CYP39A1: variants seen among roughly 807,000 people sequenced by gnomAD.
The protein encoded by CYP39A1 is cytochrome P450 family 39 subfamily A member 1.
Under a neutral mutation model 58.1 loss-of-function variants are expected in CYP39A1, and 49 were observed. The observed-to-expected ratio is 0.84, with a 90% CI of 0.67 to 1.07. The LOEUF is 1.07. Ranked by LOEUF, CYP39A1 falls within the 50% of genes least tolerant of loss-of-function variation. The pLI, the probability that CYP39A1 is intolerant of heterozygous loss-of-function variation, is 0.00. For synonymous variants in CYP39A1, 209 were observed against 187.6 expected, an observed-to-expected ratio of 1.11 and a Z score of -0.93; for missense variants, 531 against 539.4, an observed-to-expected ratio of 0.98 and a Z score of 0.16.
At position 46,577,605 on chromosome 6, in the gene CYP39A1, T is replaced by TA. The variant is rs768200181; in HGVS notation, c.1250+9471dup. 9.9e-5 allele frequency among the ~76,000 whole-genome samples: 15 copies of TA among 151,004 alleles called. No individual in the cohort carries two copies. The East Asian group carries it at 2.9e-3, about 30-fold the overall frequency. On this transcript the variant is annotated intron_variant, in intron 10 of 11. Coordinates refer to ENST00000275016, the MANE Select transcript of CYP39A1 (RefSeq NM_016593.5). ...AAAGATCTATCAAGCAAACAGAAAA[T>TA]AAAAAAAGAGTAGGGGTTGTTATTC...
intron 7 of CYP39A1, among the ~76,000 whole-genome samples, chr6:46,619,179 C>A (rs891746537): frequency 3.9e-5 from 6 of 152,064 alleles, no homozygotes; most frequent in African/African-American, 1.4e-4. Flanking sequence ...AGAAAACTGT[C>A]AAAAAGTCTT....
chr6:46,616,540 A>T (rs1192536805), intron 7 of CYP39A1, among the ~76,000 whole-genome samples: 1 of 151,690 alleles, frequency 6.6e-6, no homozygotes, highest in Non-Finnish European at 1.5e-5. Flanking sequence ...CCCATTTATC[A>T]CCTTTTAATA....
chr6:46,601,752 C>T lies in CYP39A1; in HGVS notation c.932-5632G>A, dbSNP rs1773521709. Among the ~76,000 whole-genome samples the T allele has an allele frequency of 2.0e-5, 3 of 151,354 alleles. No individual in the cohort carries two copies. In the South Asian group the frequency reaches 6.3e-4, roughly 32 times the overall value. On this transcript the variant is annotated intron_variant, in intron 7 of 11. Coordinates refer to ENST00000275016, the MANE Select transcript of CYP39A1 (RefSeq NM_016593.5). ...GCCAGGCTAGTCTCCAACTCCTGAC[C>T]TCAGGTGATCCGCCCATCTCAGCCT...
At chr6:46,584,835 C>T (rs939925949) in intron 10 of CYP39A1, among the ~76,000 whole-genome samples, 1 of 152,162 alleles carries the variant, frequency 6.6e-6, no homozygotes, top group Non-Finnish European at 1.5e-5. Flanking sequence ...AGCATCTTGA[C>T]CAGACATATC....
At chr6:46,607,117 C>T (rs186904944) in intron 7 of CYP39A1, among the ~76,000 whole-genome samples, 18 of 152,250 alleles carry the variant, frequency 1.2e-4, no homozygotes, top group Admixed American at 7.2e-4. Context: ...CTTGCTACTA[C>T]GCCACATTGC....
At chr6:46,597,282 G>A (rs375942044) in intron 7 of CYP39A1, among the ~76,000 whole-genome samples, 4 of 152,028 alleles carry the variant, frequency 2.6e-5, no homozygotes, top group African/African-American at 4.8e-5. Context: ...TAACTAAGGC[G>A]CAGCTCTTGC....
intron 7 of CYP39A1, among the ~76,000 whole-genome samples, chr6:46,619,502 A>G (rs1339568220): frequency 6.6e-6 from 1 of 152,072 alleles, no homozygotes. Flanking sequence ...GGAAATATAG[A>G]GTAAGACAAG....
At chr6:46,574,150 T>C (rs914457330) in intron 10 of CYP39A1, among the ~76,000 whole-genome samples, 7 of 152,212 alleles carry the variant, frequency 4.6e-5, no homozygotes, top group African/African-American at 1.7e-4. Context: ...GTTATCAGCT[T>C]CAGCATAATA....
At chr6:46,631,168 A>G in intron 5 of CYP39A1, 98 bp from the exon 6 acceptor site, 2 of 962,722 alleles carry the variant, frequency 2.1e-6, no homozygotes, top group Non-Finnish European at 3.2e-6. Flanking sequence ...TATGAAAGAT[A>G]TCATTTCTGC....
intron 6 of CYP39A1, among the ~76,000 whole-genome samples, chr6:46,627,782 AT>A (rs1036884089): frequency 1.1e-4 from 16 of 152,128 alleles, no homozygotes; most frequent in South Asian, 2.1e-4. Context: ...AAGCCAAAGT[AT>A]TTTTAAAAGA....
At chr6:46,644,084 C>G (rs2150602588) in intron 1 of CYP39A1, among the ~76,000 whole-genome samples, 1 of 152,234 alleles carries the variant, frequency 6.6e-6, no homozygotes, top group South Asian at 2.1e-4. Context: ...TTTCCATCAC[C>G]ACAAAGATCT....
At chr6:46,558,981 C>G (rs1582288581) in intron 10 of CYP39A1, among the ~76,000 whole-genome samples, 1 of 117,914 alleles carries the variant, frequency 8.5e-6, no homozygotes, top group Non-Finnish European at 1.6e-5. Context: ...GGTGACAGAG[C>G]AAGACTCCAT....
Position 46,578,239 on chromosome 6 carries a change from T to C in CYP39A1, c.1250+8838A>G, listed in dbSNP as rs928700038. Among the ~76,000 whole-genome samples the C allele has an allele frequency of 2.6e-5, 4 of 151,868 alleles. No individual in the cohort carries two copies. The East Asian group carries it at 5.8e-4, about 22-fold the overall frequency. ...ACTTGGAAATGAATGAAAACAAATA[T>C]ACAATATACCAGAATCTCTGAGACA... On this transcript the variant is annotated intron_variant, in intron 10 of 11. Coordinates refer to ENST00000275016, the MANE Select transcript of CYP39A1 (RefSeq NM_016593.5).
At chr6:46,641,082 G>T (rs1393234920) in intron 2 of CYP39A1, among the ~76,000 whole-genome samples, 3 of 151,638 alleles carry the variant, frequency 2.0e-5, no homozygotes, top group African/African-American at 7.3e-5. Flanking sequence ...GCTGACTCAA[G>T]AATAAATATT....
In CYP39A1 at chr6:46,557,904, CCAGCCTGGG is replaced by C. The variant is rs529224655; in HGVS notation, c.1251-4059_1251-4051del. Among the ~76,000 whole-genome samples, 76 of 140,710 alleles carry C rather than the reference CCAGCCTGGG, an allele frequency of 5.4e-4. No homozygotes were observed. In the Admixed American group the frequency reaches 5.5e-3, roughly 10 times the overall value. The allele number at this position is 140,710 out of a possible 152,430, so 92.3% of individuals were successfully genotyped here. A position where few individuals can be genotyped will look rare whatever the true frequency, so the allele number is the denominator to read the frequency against. ...TGAGCTGAGATCGCACCACTGCATT[CCAGCCTGGG>C]AGACAGCAAGACTCCATCTCAAAAA... On this transcript the variant is annotated intron_variant, in intron 10 of 11. Transcript: ENST00000275016.
chr6:46,585,279 C>T (rs928485746), intron 10 of CYP39A1, among the ~76,000 whole-genome samples: 1 of 151,594 alleles, frequency 6.6e-6, no homozygotes, highest in African/African-American at 2.4e-5. Flanking sequence ...ACTGCTAGCT[C>T]CAGGTCAAGG....
At chr6:46,623,636 C>G (rs1331011948) in intron 7 of CYP39A1, among the ~76,000 whole-genome samples, 1 of 152,130 alleles carries the variant, frequency 6.6e-6, no homozygotes, top group African/African-American at 2.4e-5. Flanking sequence ...TTCTCTCTCT[C>G]TTTATCTATG....
intron 3 of CYP39A1, among the ~76,000 whole-genome samples, 185 bp downstream of exon 3, chr6:46,639,309 A>T (rs1776180542): frequency 6.6e-6 from 1 of 151,344 alleles, no homozygotes; most frequent in Non-Finnish European, 1.5e-5. Context: ...AATTTAAAAG[A>T]TTGGTGACAG....
At chr6:46,638,326 A>G (rs1372452650) in intron 3 of CYP39A1, among the ~76,000 whole-genome samples, 1 of 152,204 alleles carries the variant, frequency 6.6e-6, no homozygotes, top group Admixed American at 6.5e-5. Context: ...CCATGCCTTT[A>G]GACAGCAACA....
Sources: gnomAD v4.1 joint callset for allele counts (sites outside exome capture counted in the v4.1 genomes callset) on GRCh38, gnomAD v4.1.1 for gene constraint, MANE v1.5 for transcripts, NCBI Gene and HGNC (gene_info 2026-07-23, HGNC 2026-07-21) for gene names.